LAMA2: variants seen among roughly 807,000 people sequenced by gnomAD.
The protein encoded by LAMA2 is laminin subunit alpha-2.
LAMA2 carries 269 observed loss-of-function variants against 364.8 expected under a neutral mutation model. The ratio of observed to expected loss-of-function variants is 0.74; its 90% CI spans 0.67 to 0.82. The LOEUF is 0.82. Ranked by LOEUF, LAMA2 falls within the 40% of genes least tolerant of loss-of-function variation. The pLI is 0.00. For missense variants in LAMA2, 3,807 were observed against 3,873.2 expected (o/e 0.98, Z 0.45); for synonymous variants, 1,379 against 1,370.6 (o/e 1.01, Z -0.14).
intron 4 of LAMA2, among the ~76,000 whole-genome samples, chr6:129,108,549 G>A (rs1478804): frequency 0.69 from 104,361 of 151,546 alleles, 38,198 homozygotes; most frequent in East Asian, 0.82. Context: ...CCTTAATCCC[G>A]CCCCTCTACA....
intron 1 of LAMA2, among the ~76,000 whole-genome samples, chr6:129,040,319 C>A (rs1430366817): frequency 6.6e-6 from 1 of 152,134 alleles, no homozygotes; most frequent in Non-Finnish European, 1.5e-5. Flanking sequence ...ATTATTTGGA[C>A]TTTTTGAAAA....
chr6:129,090,894 A>G (rs1321455221), intron 3 of LAMA2, among the ~76,000 whole-genome samples: 1 of 152,184 alleles, frequency 6.6e-6, no homozygotes, highest in Non-Finnish European at 1.5e-5. Context: ...TGCACAGTAA[A>G]CTATACACAG....
intron 1 of LAMA2, among the ~76,000 whole-genome samples, chr6:129,030,570 A>G (rs1398850682): frequency 6.6e-6 from 1 of 152,182 alleles, no homozygotes; most frequent in Non-Finnish European, 1.5e-5. Flanking sequence ...GACTCAAGGG[A>G]TAAAGTGAAA....
At chr6:129,075,312 G>T (rs969344637) in intron 3 of LAMA2, among the ~76,000 whole-genome samples, 1 of 152,152 alleles carries the variant, frequency 6.6e-6, no homozygotes, top group East Asian at 1.9e-4. Context: ...GAGCAAAGGT[G>T]GCATGAGATG....
At chr6:129,386,033 A>G (rs978611842) in intron 35 of LAMA2, among the ~76,000 whole-genome samples, 2 of 151,908 alleles carry the variant, frequency 1.3e-5, no homozygotes, top group African/African-American at 4.8e-5. Context: ...ACGTTATGGC[A>G]TGGTTTTCTG....
chr6:129,206,080 AGGAGGAAGGAAGGGAGGGAGGGAG>A (rs1480486541), intron 12 of LAMA2, among the ~76,000 whole-genome samples: 1 of 116,634 alleles, frequency 8.6e-6, no homozygotes, highest in Admixed American at 9.0e-5. Context: ...AGGAAAGGAA[AGGAGGAAGGAAGGGAGGGAGGGAG>A]GGAGGAAGGA....
Position 129,486,598 on chromosome 6 carries a change from C to A in LAMA2, c.7874C>A (p.Ser2625Tyr). Residue 2625 changes from serine to tyrosine, a missense_variant, in exon 56 of 65, where the codon TCC becomes TAC. Ser to Tyr is a moderately radical substitution (Grantham distance 144, BLOSUM62 -2). Around this residue, in one of 3 missense-constraint regions of LAMA2, gnomAD observed 3,333 missense variants for 3,345.7 expected, o/e 1.00. Transcript: ENST00000421865. ...CTGTTTCATGATGGAAGAGAACATT[C>A]CGTTCATGTAGAGCGAACTAGAGGG... is the stretch of plus-strand genomic sequence containing the variant. ...PNLFHDGREH[S>Y]VHVERTRGIF... The A allele has an allele frequency of 6.2e-7, 1 of 1,613,862 alleles. No individual in the cohort carries two copies. The highest frequency in any genetic ancestry group is 2.2e-5 in the East Asian group (1 of 44,844).
At chr6:129,401,935 C>T (rs563387318) in intron 38 of LAMA2, among the ~76,000 whole-genome samples, 28 of 152,194 alleles carry the variant, frequency 1.8e-4, no homozygotes, top group Admixed American at 1.5e-3. Flanking sequence ...GGGCCAGGCA[C>T]GGTGGCTCAT....
intron 12 of LAMA2, among the ~76,000 whole-genome samples, chr6:129,194,935 A>G (rs567093569): frequency 3.0e-4 from 45 of 152,330 alleles, no homozygotes; most frequent in African/African-American, 1.0e-3. Flanking sequence ...ACTTTTCTAA[A>G]TAGTTGAGGC....
Position 129,256,763 on chromosome 6 carries a change from CATATATATATATATATATATATAT to C in LAMA2, c.2097-3934_2097-3911del, listed in dbSNP as rs199726173. 1.6e-4 allele frequency among the ~76,000 whole-genome samples: 14 copies of C among 87,960 alleles called. No individual in the cohort carries two copies. In the South Asian group the frequency reaches 4.4e-3, roughly 28 times the overall value. 57.7% of individuals were successfully genotyped at this position (87,960 alleles called of 152,430 possible). On this transcript the variant is annotated intron_variant, in intron 14 of 64. Transcript: ENST00000421865. ...TATATATAAAAAACAAATTATATAG[CATATATATATATATATATATATAT>C]ATATATATATATAGTGGGTAGAAAA...
intron 18 of LAMA2, among the ~76,000 whole-genome samples, chr6:129,281,710 A>T (rs1476955264): frequency 3.9e-5 from 6 of 152,168 alleles, no homozygotes; most frequent in Non-Finnish European, 5.9e-5. Context: ...ACCTGACAGA[A>T]AGTATGATTT....
chr6:128,885,263 TA>T (rs1235544925), intron 1 of LAMA2, among the ~76,000 whole-genome samples: 1 of 152,198 alleles, frequency 6.6e-6, no homozygotes, highest in Non-Finnish European at 1.5e-5. Context: ...TGAAAGTATG[TA>T]AAATTCATGA....
chr6:128,985,405 G>A (rs1433689015), intron 1 of LAMA2, among the ~76,000 whole-genome samples: 1 of 152,056 alleles, frequency 6.6e-6, no homozygotes, highest in African/African-American at 2.4e-5. Context: ...AAATAGAGAT[G>A]AAAACATTGA....
At chr6:128,936,516 G>A (rs1779821704) in intron 1 of LAMA2, among the ~76,000 whole-genome samples, 1 of 152,136 alleles carries the variant, frequency 6.6e-6, no homozygotes, top group South Asian at 2.1e-4. Context: ...GACCCCCAGA[G>A]TATGTCTGAA....
intron 12 of LAMA2, among the ~76,000 whole-genome samples, chr6:129,237,125 A>C (rs1356903677): frequency 6.6e-6 from 1 of 152,166 alleles, no homozygotes; most frequent in Non-Finnish European, 1.5e-5. Context: ...TTCTTACCAC[A>C]TAAGGTTGTG....
chr6:128,952,362 A>C (rs1029012567), intron 1 of LAMA2, among the ~76,000 whole-genome samples: 5 of 152,188 alleles, frequency 3.3e-5, no homozygotes, highest in Admixed American at 3.3e-4. Context: ...AAGAATAAAA[A>C]TTAATTCCAT....
rs578124003 is a variant in LAMA2 at position 129,098,277 on chromosome 6, G to A, written c.501G>A (p.Gln167=). The A allele has an allele frequency of 8.7e-6, 14 of 1,614,146 alleles. No homozygotes were observed. The South Asian group carries it at 1.2e-4, about 14-fold the overall frequency. Residue 167 remains glutamine (Q), a synonymous_variant, in exon 4 of 65, where the codon CAG becomes CAA. Coordinates refer to ENST00000421865, the MANE Select transcript of LAMA2 (RefSeq NM_000426.4). The part of the protein sequence containing the change: ...SLDDVEYKPW[Q]YHAVTDTECL... Reference sequence around the variant, plus strand: ...ATGATGTTGAATACAAGCCCTGGCAGTATCATGCTGTGACAGACACGGAGT... The same window carrying A: ...ATGATGTTGAATACAAGCCCTGGCAATATCATGCTGTGACAGACACGGAGT...
intron 9 of LAMA2, among the ~76,000 whole-genome samples, chr6:129,169,929 G>C (rs1267626340): frequency 1.3e-5 from 2 of 149,922 alleles, no homozygotes; most frequent in African/African-American, 2.5e-5. Context: ...ATTTCTTCTA[G>C]ATTTTCTAGT....
At position 129,403,928 on chromosome 6, in the gene LAMA2, C is replaced by G. The variant is rs1399615395; in HGVS notation, c.5834C>G (p.Ala1945Gly). 1 of 1,613,874 alleles carries G rather than the reference C, an allele frequency of 6.2e-7. No homozygotes were observed. The highest frequency in any genetic ancestry group is 8.5e-7 in the Non-Finnish European group (1 of 1,179,874). Residue 1945 changes from alanine (A) to glycine (G), a missense_variant, in exon 40 of 65, where the codon GCC becomes GGC. Ala to Gly is a moderately conservative substitution (Grantham distance 60). Transcript: ENST00000421865. Reference protein sequence around the residue: ...IDEAEKVAKEAKDLAHEATKL... With the variant: ...IDEAEKVAKEGKDLAHEATKL... ...GAAGCTGAGAAAGTTGCCAAAGAAG[C>G]CAAAGATCTTGCACATGAAGCTACA...
Sources: gnomAD v4.1 joint callset for allele counts (sites outside exome capture counted in the v4.1 genomes callset) on GRCh38, gnomAD v4.1.1 for gene constraint, gnomAD v4.1.1 regional missense constraint, MANE v1.5 for transcripts, NCBI Gene and HGNC (gene_info 2026-07-23, HGNC 2026-07-21) for gene names.